FA2H: variants seen among roughly 807,000 people sequenced by gnomAD.
The protein encoded by FA2H is fatty acid alpha-hydroxylase.
FA2H carries 22 observed loss-of-function variants against 44.9 expected under a neutral mutation model. The ratio of observed to expected loss-of-function variants is 0.49; its 90% CI spans 0.35 to 0.70. The LOEUF (loss-of-function observed/expected upper bound fraction) is 0.70. FA2H is among the 30% of genes least tolerant of loss of function. The probability of loss-of-function intolerance (pLI) is 0.01; values close to 1 mark genes in which losing one functional copy is unlikely to be tolerated. For synonymous variants in FA2H, 243 were observed against 213.2 expected (o/e 1.14, Z -1.22); for missense variants, 501 against 504.9 (o/e 0.99, Z 0.07).
intron 2 of FA2H, among the ~76,000 whole-genome samples, chr16:74,729,562 A>T (rs76957577): frequency 1.4e-3 from 211 of 152,232 alleles, no homozygotes; most frequent in African/African-American, 4.7e-3. Context: ...GTGTGCAGAA[A>T]GTTTCACTCA....
At chr16:74,725,033 G>A (rs1008492420) in intron 4 of FA2H, among the ~76,000 whole-genome samples, 4 of 152,172 alleles carry the variant, frequency 2.6e-5, no homozygotes, top group Admixed American at 6.5e-5. Flanking sequence ...GTGATTCAGC[G>A]AGCAGGCCTT....
chr16:74,727,354 C>A lies in FA2H; in HGVS notation c.396G>T (p.Trp132Cys). Residue 132 changes from tryptophan to cysteine, a missense_variant, in exon 3 of 7, where the codon TGG becomes TGT. Coordinates refer to ENST00000219368, the MANE Select transcript of FA2H (RefSeq NM_024306.5). ...ACTTCTCTCCCAAGTGGCCCACCTG[C>A]CACAGGAGAGGCTTTCGCCAGTCCA... is the stretch of plus-strand genomic sequence containing the variant. ...DLVDWRKPLLWQVGHLGEKYD... is the reference protein window; with the variant it reads ...DLVDWRKPLLCQVGHLGEKYD... 6.2e-7 allele frequency: 1 copy of A among 1,614,222 alleles called. No homozygotes were observed. The highest frequency in any genetic ancestry group is 8.5e-7 in the Non-Finnish European group (1 of 1,180,046).
chr16:74,737,333 A>G (rs760877763), intron 2 of FA2H, among the ~76,000 whole-genome samples: 10 of 152,150 alleles, frequency 6.6e-5, no homozygotes, highest in Non-Finnish European at 1.5e-4. Context: ...GTGAGAATCC[A>G]CAACCTGGCT....
chr16:74,770,930 G>A (rs977692080), intron 1 of FA2H, among the ~76,000 whole-genome samples: 1 of 152,224 alleles, frequency 6.6e-6, no homozygotes, highest in Non-Finnish European at 1.5e-5. Flanking sequence ...GTGAGACTGG[G>A]TCCCTGGGTC....
At chr16:74,765,115 C>T (rs1962784864) in intron 1 of FA2H, among the ~76,000 whole-genome samples, 2 of 152,006 alleles carry the variant, frequency 1.3e-5, no homozygotes, top group South Asian at 2.1e-4. Flanking sequence ...TTTCCATCAA[C>T]TCCCAACCTT....
chr16:74,738,634 C>A (rs1962228198), intron 2 of FA2H, among the ~76,000 whole-genome samples: 1 of 152,230 alleles, frequency 6.6e-6, no homozygotes, highest in Non-Finnish European at 1.5e-5. Flanking sequence ...CTCTGCAGCT[C>A]CTTCCAGTAC....
chr16:74,720,131 T>A (rs1161297342), intron 4 of FA2H, among the ~76,000 whole-genome samples: 1 of 144,458 alleles, frequency 6.9e-6, no homozygotes, highest in Non-Finnish European at 1.5e-5. Flanking sequence ...TTTGACCTCA[T>A]GGAGATTTCA....
Position 74,774,518 on chromosome 16 carries a change from A to G in FA2H, c.238T>C (p.Tyr80His). The G allele has an allele frequency of 6.4e-7, 1 of 1,553,996 alleles. No individual in the cohort carries two copies. The highest frequency in any genetic ancestry group is 8.6e-7 in the Non-Finnish European group (1 of 1,159,460). ...TCCCCGCGGAGCTCTCCCACGTAGT[A>G]CTGCTCCAGCCAGCGGCGCGCGTTG... ...SANARRWLEQ[Y>H]YVGELRGEQQ... The change falls in exon 1 of 7, where the codon TAC (tyrosine) becomes CAC (histidine). Residue 80 changes from tyrosine to histidine, a missense_variant. Transcript: ENST00000219368.
intron 6 of FA2H, among the ~76,000 whole-genome samples, chr16:74,715,520 T>G (rs1202171833): frequency 6.6e-6 from 1 of 152,202 alleles, no homozygotes; most frequent in Non-Finnish European, 1.5e-5. Context: ...CTGGAACTCC[T>G]GGCTTCAAGC....
chr16:74,749,319 A>G (rs1293001014), intron 1 of FA2H, among the ~76,000 whole-genome samples: 3 of 152,156 alleles, frequency 2.0e-5, no homozygotes, highest in African/African-American at 7.2e-5. Context: ...CTAAGAAACC[A>G]TATCTGGCAA....
chr16:74,716,761 T>C lies in FA2H; in HGVS notation c.787-162A>G, dbSNP rs1332077522. On this transcript the variant is annotated intron_variant, in intron 5 of 6. Coordinates refer to ENST00000219368, the MANE Select transcript of FA2H (RefSeq NM_024306.5). Reference sequence around the variant, plus strand: ...TTTGGGGAGGGCGGGCCACCACGTCTGGAAGATCTGGAGAGACTGTCTTAC... The same window carrying C: ...TTTGGGGAGGGCGGGCCACCACGTCCGGAAGATCTGGAGAGACTGTCTTAC... 3 of 701,460 alleles carry C rather than the reference T, an allele frequency of 4.3e-6. No homozygotes were observed. In the East Asian group the frequency reaches 8.4e-5, roughly 20 times the overall value. 43.5% of individuals were successfully genotyped at this position (701,460 alleles called of 1,614,324 possible). A position where few individuals can be genotyped will look rare whatever the true frequency, so the allele number is the denominator to read the frequency against.
rs534724414 is a variant in FA2H, at chr16:74,716,126, T to C, written c.1039+221A>G. On this transcript the variant is annotated intron_variant, in intron 6 of 6. Coordinates refer to ENST00000219368, the MANE Select transcript of FA2H (RefSeq NM_024306.5). ...TGAGCCACCACACCCAGCCCCTTTA[T>C]TTTCTTTATGGCATTTATCACAGTT... Among the ~76,000 whole-genome samples, 16 of 152,262 alleles carry C rather than the reference T, an allele frequency of 1.1e-4. No homozygotes were observed. In the South Asian group the frequency reaches 3.3e-3, roughly 32 times the overall value.
At position 74,714,177 on chromosome 16, in the gene FA2H, G is replaced by T. The variant is rs373844222; in HGVS notation, c.*13C>A. 136 of 1,536,744 alleles carry T rather than the reference G, an allele frequency of 8.8e-5. No individual in the cohort carries two copies. Among genetic ancestry groups the T allele is most frequent in the Non-Finnish European group, 1.1e-4 (121 of 1,132,374 alleles). On this transcript the variant is annotated 3_prime_UTR_variant, in exon 7 of 7. Transcript: ENST00000219368. Reference sequence around the variant, plus strand: ...GGGCCGGGCTGAGGGCAGGACGGAGGGGGTGGGAGTTGTCACTGCGTCTTC... The same window carrying T: ...GGGCCGGGCTGAGGGCAGGACGGAGTGGGTGGGAGTTGTCACTGCGTCTTC...
chr16:74,750,540 AAAC>A (rs751831634), intron 1 of FA2H, among the ~76,000 whole-genome samples: 22 of 152,352 alleles, frequency 1.4e-4, no homozygotes, highest in Non-Finnish European at 2.9e-4. Flanking sequence ...TAAAAAACCC[AAAC>A]AACAAGAGCA....
Position 74,714,125 on chromosome 16 carries a change from T to C in FA2H, c.*65A>G, listed in dbSNP as rs906445963. The C allele has an allele frequency of 3.2e-6, 3 of 937,718 alleles. No individual in the cohort carries two copies. The African/African-American group carries it at 5.1e-5, about 16-fold the overall frequency. 58.1% of individuals were successfully genotyped at this position (937,718 alleles called of 1,614,324 possible). On this transcript the variant is annotated 3_prime_UTR_variant, in exon 7 of 7. Coordinates refer to ENST00000219368, the MANE Select transcript of FA2H (RefSeq NM_024306.5). Reference sequence around the variant, plus strand: ...GCCAACCTTCTTAATGGGGTCTGAATGGCGGGTGGGGGTCGGGAAGGGGCC... The same window carrying C: ...GCCAACCTTCTTAATGGGGTCTGAACGGCGGGTGGGGGTCGGGAAGGGGCC...
At chr16:74,756,901 A>AG (rs34922465) in intron 1 of FA2H, among the ~76,000 whole-genome samples, 3,453 of 135,954 alleles carry the variant, frequency 0.025, 137 homozygotes, top group African/African-American at 0.089. Context: ...AACAAACACA[A>AG]GAAAAACACT....
chr16:74,747,653 C>A (rs1380770040), intron 1 of FA2H, among the ~76,000 whole-genome samples: 1 of 152,040 alleles, frequency 6.6e-6, no homozygotes, highest in Non-Finnish European at 1.5e-5. Flanking sequence ...GGGAGCAATG[C>A]CTCTCCAAGC....
intron 2 of FA2H, among the ~76,000 whole-genome samples, chr16:74,729,288 C>G (rs967119446): frequency 6.6e-6 from 1 of 152,120 alleles, no homozygotes; most frequent in African/African-American, 2.4e-5. Context: ...GGATTATGGG[C>G]GTAAGCCACC....
intron 1 of FA2H, among the ~76,000 whole-genome samples, chr16:74,766,219 A>T (rs1484226399): frequency 5.9e-5 from 9 of 152,062 alleles, no homozygotes; most frequent in African/African-American, 2.2e-4. Context: ...GAATCACTTG[A>T]ACCTGGGAGG....
Sources: allele counts gnomAD v4.1 joint callset (sites outside exome capture counted in the v4.1 genomes callset), GRCh38; gene constraint gnomAD v4.1.1; transcripts MANE v1.5; gene names NCBI Gene and HGNC (gene_info 2026-07-23, HGNC 2026-07-21).